The following NCAPH variants were observed in gnomAD, a reference collection of about 807,000 sequenced individuals.
NCAPH encodes condensin complex subunit 2.
A neutral mutation model predicts 85.5 loss-of-function variants in NCAPH; 38 were observed. That is an observed-to-expected ratio of 0.44 (90% CI 0.34 to 0.58). The LOEUF (loss-of-function observed/expected upper bound fraction) is 0.58. Among genes scored for constraint, NCAPH ranks in the 20% least tolerant of loss-of-function variants. The pLI is 0.01. For synonymous variants in NCAPH, 301 were observed against 335.1 expected (o/e 0.90, Z 1.11); for missense variants, 789 against 916.6 (o/e 0.86, Z 1.80).
intron 9 of NCAPH, among the ~76,000 whole-genome samples, chr2:96,358,691 A>G (rs923045027): frequency 6.6e-6 from 1 of 152,082 alleles, no homozygotes; most frequent in Non-Finnish European, 1.5e-5. Flanking sequence ...GGTGGTCTCG[A>G]TCTCCTGACC....
rs1232585109 is a variant in NCAPH at position 96,373,400 on chromosome 2, G to A, written c.*49G>A. On this transcript the variant is annotated 3_prime_UTR_variant, in exon 18 of 18. Coordinates refer to ENST00000240423, the MANE Select transcript of NCAPH (RefSeq NM_015341.5). The stretch of plus-strand genomic sequence containing the variant: ...CAGGAGGCCCATCCCTTACTCAGTT[G>A]CCGGGACATCCCCAGTCTCGGGGGA... 4.5e-6 allele frequency: 7 copies of A among 1,560,270 alleles called. No homozygotes were observed. Among genetic ancestry groups the A allele is most frequent in the African/African-American group, 2.7e-5 (2 of 73,602 alleles).
intron 6 of NCAPH, among the ~76,000 whole-genome samples, chr2:96,351,115 A>T (rs760927993): frequency 1.3e-5 from 2 of 152,164 alleles, no homozygotes; most frequent in Non-Finnish European, 2.9e-5. Flanking sequence ...TGTTCTTCCA[A>T]ACTTTAGAAG....
In NCAPH at chr2:96,365,939, C is replaced by A; in HGVS notation, c.1762C>A (p.Leu588Ile). ...LFVGPVGNSD[L>I]SPYPCHPPKT... ...TGTGGGACCTGTTGGGAACTCTGAC[C>A]TCTCACCTTATCCTTGCCATCCACC... Residue 588 changes from leucine (L) to isoleucine (I), a missense_variant, in exon 14 of 18, where the codon CTC (leucine) becomes ATC (isoleucine). Leu to Ile is a conservative substitution (Grantham distance 5). Transcript: ENST00000240423. The A allele has an allele frequency of 6.2e-7, 1 of 1,614,140 alleles. No homozygotes were observed. Among genetic ancestry groups the A allele is most frequent in the Middle Eastern group, 1.6e-4 (1 of 6,062 alleles).
intron 10 of NCAPH, 50 bp downstream of exon 10, chr2:96,359,243 A>C: frequency 1.3e-6 from 2 of 1,598,436 alleles, no homozygotes; most frequent in Non-Finnish European, 8.6e-7. Flanking sequence ...GTAGATGACC[A>C]GCCAGTCAGC....
At chr2:96,338,698 G>A (rs911011973) in intron 1 of NCAPH, among the ~76,000 whole-genome samples, 1 of 152,212 alleles carries the variant, frequency 6.6e-6, no homozygotes, top group Admixed American at 6.5e-5. Context: ...AAGGAATGTA[G>A]GCAGCTCTGA....
intron 12 of NCAPH, 22 bp downstream of exon 12, chr2:96,360,732 T>A (rs2064595354): frequency 6.2e-7 from 1 of 1,613,666 alleles, no homozygotes; most frequent in Non-Finnish European, 8.5e-7. Flanking sequence ...TCTTGGTTCC[T>A]TTAAGCACAC....
At chr2:96,348,050 G>A (rs977134555) in intron 6 of NCAPH, among the ~76,000 whole-genome samples, 4 of 152,162 alleles carry the variant, frequency 2.6e-5, no homozygotes, top group Admixed American at 1.3e-4. Context: ...AGACCTTGAC[G>A]TAGGCCGGGT....
intron 1 of NCAPH, among the ~76,000 whole-genome samples, chr2:96,338,720 G>T (rs2104411888): frequency 6.6e-6 from 1 of 152,310 alleles, no homozygotes; most frequent in East Asian, 1.9e-4. Flanking sequence ...GCTGCAAAAG[G>T]CGAGGAACAG....
At chr2:96,345,295 G>T (rs2064348162) in intron 6 of NCAPH, among the ~76,000 whole-genome samples, 1 of 152,212 alleles carries the variant, frequency 6.6e-6, no homozygotes, top group African/African-American at 2.4e-5. Flanking sequence ...GACCTCCAGG[G>T]AAGGGCTTGG....
rs1490272231 is a variant in NCAPH, at chr2:96,374,634, C to T, written c.*1283C>T. Among the ~76,000 whole-genome samples the T allele has an allele frequency of 1.3e-5, 2 of 152,316 alleles. No homozygotes were observed. The highest frequency in any genetic ancestry group is 2.4e-5 in the African/African-American group (1 of 41,572). ...ATAATCCCCTCCCCACAGGAATATG[C>T]TTTCCAAATTGTGTCCAAAACATTA... On this transcript the variant is annotated 3_prime_UTR_variant, in exon 18 of 18. Transcript: ENST00000240423.
chr2:96,355,283 G>T (rs2064508183), intron 9 of NCAPH, among the ~76,000 whole-genome samples: 1 of 152,138 alleles, frequency 6.6e-6, no homozygotes, highest in African/African-American at 2.4e-5. Context: ...GGGCCTGGGG[G>T]TAGGAGATTT....
chr2:96,362,063 A>G (rs1280836577), intron 12 of NCAPH, among the ~76,000 whole-genome samples: 3 of 151,306 alleles, frequency 2.0e-5, no homozygotes, highest in Admixed American at 6.6e-5. Context: ...GTTTTTATAA[A>G]CTAACCAAGA....
intron 17 of NCAPH, 68 bp downstream of exon 17, chr2:96,369,568 T>C: frequency 6.8e-7 from 1 of 1,472,564 alleles, no homozygotes; most frequent in East Asian, 2.3e-5. Flanking sequence ...TTTAGCTTTG[T>C]ATTTGATCTT....
In NCAPH at chr2:96,360,674, C is replaced by A. The variant is rs760110521; in HGVS notation, c.1551C>A (p.Asp517Glu). ...CTACAGATTTCAACTACAATGTTGA[C>A]ACTCTGGTCCAGCTTCACCTCAAAC... The part of the protein sequence containing the change: ...TLPTDFNYNV[D>E]TLVQLHLKPG... The change falls in exon 12 of 18, where the codon GAC becomes GAA. Residue 517 changes from aspartate to glutamate, a missense_variant. Physicochemically the swap from Asp to Glu is conservative, Grantham distance 45. Transcript: ENST00000240423. 5.0e-6 allele frequency: 8 copies of A among 1,614,198 alleles called. No individual in the cohort carries two copies. Among genetic ancestry groups the A allele is most frequent in the Non-Finnish European group, 1.7e-6 (2 of 1,180,020 alleles).
chr2:96,355,685 A>G (rs1167946207), intron 9 of NCAPH, among the ~76,000 whole-genome samples: 1 of 146,482 alleles, frequency 6.8e-6, no homozygotes, highest in Non-Finnish European at 1.5e-5. Context: ...TCTGTCGCCC[A>G]GGCTGGAGTG....
intron 7 of NCAPH, among the ~76,000 whole-genome samples, chr2:96,352,491 T>C (rs1048491897): frequency 6.6e-6 from 1 of 152,204 alleles, no homozygotes; most frequent in African/African-American, 2.4e-5. Context: ...TCTCCTATTA[T>C]CAGTCCCCTA....
chr2:96,361,826 ATATTTTT>A (rs2064625681), intron 12 of NCAPH, among the ~76,000 whole-genome samples: 2 of 118,694 alleles, frequency 1.7e-5, no homozygotes, highest in African/African-American at 6.6e-5. Flanking sequence ...ATATATATAT[ATATTTTT>A]TTTTTTTTTT....
At chr2:96,352,091 AC>A in intron 7 of NCAPH, 71 bp downstream of exon 7, 1 of 1,389,936 alleles carries the variant, frequency 7.2e-7, no homozygotes. Flanking sequence ...ACCATGGGGT[AC>A]AATAAGCCCA....
chr2:96,341,456 C>T (rs536100642), intron 1 of NCAPH, 186 bp from the exon 2 acceptor site: 1 of 670,918 alleles, frequency 1.5e-6, no homozygotes, highest in Non-Finnish European at 2.5e-6. Flanking sequence ...CATCAGAAAC[C>T]TATGGCCTCC....
Sources: gnomAD v4.1 joint callset for allele counts (sites outside exome capture counted in the v4.1 genomes callset) on GRCh38, gnomAD v4.1.1 for gene constraint, MANE v1.5 for transcripts, NCBI Gene and HGNC (gene_info 2026-07-23, HGNC 2026-07-21) for gene names.